ABI3BP: variants seen among roughly 807,000 people sequenced by gnomAD.
ABI3BP encodes ABI family member 3 binding protein, also known as target of Nesh-SH3.
ABI3BP carries 216 observed loss-of-function variants against 268.6 expected under a neutral mutation model. The ratio of observed to expected loss-of-function variants is 0.80; its 90% CI spans 0.72 to 0.90. The LOEUF (loss-of-function observed/expected upper bound fraction) is 0.90. Ranked by LOEUF, ABI3BP falls within the 40% of genes least tolerant of loss-of-function variation. The pLI, the probability that ABI3BP is intolerant of heterozygous loss-of-function variation, is 0.00. For synonymous variants in ABI3BP, 730 were observed against 730.0 expected, an observed-to-expected ratio of 1.00 and a Z score of 0.00; for missense variants, 2,090 against 2,182.4, an observed-to-expected ratio of 0.96 and a Z score of 0.84.
At chr3:100,901,923 T>A (rs2050615869) in intron 3 of ABI3BP, among the ~76,000 whole-genome samples, 1 of 152,226 alleles carries the variant, frequency 6.6e-6, no homozygotes. Flanking sequence ...GGTAGTGAAA[T>A]TAGACGACAT....
At chr3:100,846,646 A>T (rs1333282102) in intron 19 of ABI3BP, 200 bp from the exon 20 acceptor site, 9 of 421,774 alleles carry the variant, frequency 2.1e-5, no homozygotes, top group Non-Finnish European at 3.0e-5. Context: ...TCTTGTTTAG[A>T]AAAAACATTT....
rs1192850718 is a variant in ABI3BP, at chr3:100,993,172, A to G, written c.79+134T>C. The G allele has an allele frequency of 6.6e-6, 4 of 609,392 alleles. No individual in the cohort carries two copies. In the East Asian group the frequency reaches 9.1e-5, roughly 14 times the overall value. The allele number at this position is 609,392 out of a possible 1,614,324, so 37.7% of individuals were successfully genotyped here. ...GTAAAAGTTTAAGAGACCCCTTCAC[A>G]CATTTGAACTTTGAATCTCTGCAGA... On this transcript the variant is annotated intron_variant, in intron 1 of 67. Transcript: ENST00000471714.
At chr3:100,838,338 A>C in intron 25 of ABI3BP, 54 bp from the exon 26 acceptor site, 1 of 1,528,484 alleles carries the variant, frequency 6.5e-7, no homozygotes, top group Non-Finnish European at 8.8e-7. Flanking sequence ...GTGAATGTGG[A>C]GATTAATGTT....
intron 15 of ABI3BP, 146 bp downstream of exon 15, chr3:100,851,728 TA>T: frequency 1.6e-6 from 1 of 641,358 alleles, no homozygotes. Flanking sequence ...GAGGAGTGGG[TA>T]AAACACAACT....
chr3:100,765,241 A>G (rs1359396627), intron 63 of ABI3BP, among the ~76,000 whole-genome samples: 1 of 152,228 alleles, frequency 6.6e-6, no homozygotes, highest in Non-Finnish European at 1.5e-5. Flanking sequence ...AAAACTGTAC[A>G]GCAATATGAA....
intron 1 of ABI3BP, among the ~76,000 whole-genome samples, chr3:100,957,324 G>A (rs1365130841): frequency 6.6e-6 from 1 of 152,188 alleles, no homozygotes; most frequent in African/African-American, 2.4e-5. Context: ...GAAAGATAGA[G>A]TTGTCTTTAG....
intron 1 of ABI3BP, among the ~76,000 whole-genome samples, chr3:100,972,014 G>T (rs754822208): frequency 1.3e-5 from 2 of 152,262 alleles, no homozygotes; most frequent in Admixed American, 6.5e-5. Flanking sequence ...GAGAAGGGCA[G>T]CTGGGATGGA....
In ABI3BP at chr3:100,811,797, G is replaced by A. The variant is rs754153963; in HGVS notation, c.3424C>T (p.Pro1142Ser). The change falls in exon 47 of 68, where the codon CCA becomes TCA. Residue 1142 changes from proline to serine, a missense_variant and splice_region_variant. Pro to Ser is a moderately conservative substitution (Grantham distance 74, BLOSUM62 -1). Transcript: ENST00000471714. ...STESPKETIA[P>S]AKTDYVYPTA... Reference sequence around the variant, plus strand: ...GGATATACATAGTCTGTTTTGGCTGGTGCTAGGGAAGAAACGGGAATGGCT... The same window carrying A: ...GGATATACATAGTCTGTTTTGGCTGATGCTAGGGAAGAAACGGGAATGGCT... The A allele has an allele frequency of 6.5e-7, 1 of 1,535,422 alleles. No individual in the cohort carries two copies. Among genetic ancestry groups the A allele is most frequent in the South Asian group, 1.2e-5 (1 of 84,034 alleles).
chr3:100,902,518 A>T, intron 3 of ABI3BP, 100 bp downstream of exon 3: 1 of 1,065,612 alleles, frequency 9.4e-7, no homozygotes, highest in Non-Finnish European at 1.4e-6. Context: ...CTACATTCTT[A>T]AAGCTTCTCA....
Position 100,803,568 on chromosome 3 carries a change from A to C in ABI3BP, c.3757+1224T>G, listed in dbSNP as rs2097595485. ...CTCATGCCCAGTAGGGCAAATATTA[A>C]ATATTAAAAGAGGAAAAAACTTAAC... On this transcript the variant is annotated intron_variant, in intron 51 of 67. Transcript: ENST00000471714. 2.5e-5 allele frequency among the ~76,000 whole-genome samples: 3 copies of C among 119,732 alleles called. 1 individual carries two copies. The allele number at this position is 119,732 out of a possible 152,430, so 78.5% of individuals were successfully genotyped here. A position where few individuals can be genotyped will look rare whatever the true frequency, so the allele number is the denominator to read the frequency against.
intron 20 of ABI3BP, among the ~76,000 whole-genome samples, chr3:100,845,089 G>C (rs2098751843): frequency 6.6e-6 from 1 of 152,124 alleles, no homozygotes; most frequent in Non-Finnish European, 1.5e-5. Context: ...ATTCATTTGA[G>C]AGAAACCTTA....
intron 9 of ABI3BP, among the ~76,000 whole-genome samples, chr3:100,870,057 A>C (rs1473336709): frequency 6.6e-6 from 1 of 152,102 alleles, no homozygotes; most frequent in Non-Finnish European, 1.5e-5. Flanking sequence ...TGGAATGAGG[A>C]TGTTGTTTTT....
At chr3:100,948,422 T>C (rs2073476748) in intron 1 of ABI3BP, among the ~76,000 whole-genome samples, 2 of 152,222 alleles carry the variant, frequency 1.3e-5, no homozygotes, top group Non-Finnish European at 1.5e-5. Context: ...ATAGTTTAAA[T>C]GGAATTCGAT....
At chr3:100,751,282 A>G (rs1347603970) in intron 67 of ABI3BP, among the ~76,000 whole-genome samples, 1 of 152,188 alleles carries the variant, frequency 6.6e-6, no homozygotes, top group Non-Finnish European at 1.5e-5. Flanking sequence ...TTAATAAATG[A>G]GTGATTTAAG....
chr3:100,990,956 G>C (rs2092817299), intron 1 of ABI3BP, among the ~76,000 whole-genome samples: 1 of 152,042 alleles, frequency 6.6e-6, no homozygotes, highest in Non-Finnish European at 1.5e-5. Flanking sequence ...ATTAGTCTGT[G>C]GGAAAATGAG....
intron 1 of ABI3BP, among the ~76,000 whole-genome samples, chr3:100,972,291 T>C (rs1562194260): frequency 6.6e-6 from 1 of 152,144 alleles, no homozygotes; most frequent in Non-Finnish European, 1.5e-5. Context: ...CTGAAAGGGA[T>C]CTGCAAATAA....
intron 1 of ABI3BP, among the ~76,000 whole-genome samples, chr3:100,980,591 G>T (rs1007713037): frequency 1.3e-5 from 2 of 152,218 alleles, no homozygotes; most frequent in Non-Finnish European, 2.9e-5. Context: ...AGACACGCAA[G>T]TGGGAAAGAA....
chr3:100,821,597 CTTTT>C (rs369631203), intron 38 of ABI3BP, among the ~76,000 whole-genome samples: 5 of 119,136 alleles, frequency 4.2e-5, no homozygotes, highest in Non-Finnish European at 6.8e-5. Context: ...TGAAGTAAGA[CTTTT>C]TTTTTTTTTT....
At chr3:100,945,726 A>T (rs1230108070) in intron 1 of ABI3BP, 2 of 411,230 alleles carry the variant, frequency 4.9e-6, no homozygotes, top group Non-Finnish European at 9.5e-6. Flanking sequence ...CAATCCAAAT[A>T]TTCATCAAAT....
Sources: gnomAD v4.1 joint callset for allele counts (sites outside exome capture counted in the v4.1 genomes callset) on GRCh38, gnomAD v4.1.1 for gene constraint, MANE v1.5 for transcripts, NCBI Gene and HGNC (gene_info 2026-07-23, HGNC 2026-07-21) for gene names.